The following AGBL1 variants were observed in gnomAD, a reference collection of about 807,000 sequenced individuals.
AGBL1 encodes AGBL carboxypeptidase 1.
AGBL1 carries 130 observed loss-of-function variants against 118.9 expected under a neutral mutation model. The observed-to-expected ratio is 1.09, with a 90% confidence interval of 0.95 to 1.26. The LOEUF is 1.26. Among genes scored for constraint, AGBL1 ranks in the 50% most tolerant of loss-of-function variants. The pLI, the probability that AGBL1 is intolerant of heterozygous loss-of-function variation, is 0.00. For synonymous variants in AGBL1, 555 were observed against 478.9 expected (o/e 1.16, Z -2.08); for missense variants, 1,584 against 1,298.1 (o/e 1.22, Z -3.38).
chr15:86,989,493 G>T (rs1001022123), intron 24 of AGBL1, among the ~76,000 whole-genome samples: 1 of 151,872 alleles, frequency 6.6e-6, no homozygotes, highest in African/African-American at 2.4e-5. Context: ...AGATTATAAG[G>T]GTTTCCCCCT....
At chr15:86,585,075 A>G (rs2084226189) in intron 21 of AGBL1, among the ~76,000 whole-genome samples, 2 of 152,182 alleles carry the variant, frequency 1.3e-5, no homozygotes, top group African/African-American at 4.8e-5. Flanking sequence ...CAATTCCAGA[A>G]GTTTTGGTGG....
intron 17 of AGBL1, among the ~76,000 whole-genome samples, chr15:86,303,400 G>A (rs373234448): frequency 4.6e-5 from 7 of 152,244 alleles, no homozygotes; most frequent in African/African-American, 1.7e-4. Flanking sequence ...GACATCCTTG[G>A]TGACTGGCTG....
At chr15:86,431,182 C>A (rs1236739593) in intron 18 of AGBL1, among the ~76,000 whole-genome samples, 2 of 152,216 alleles carry the variant, frequency 1.3e-5, no homozygotes, top group African/African-American at 4.8e-5. Flanking sequence ...GGCCTGAAAC[C>A]ATGACCAGGA....
intron 18 of AGBL1, among the ~76,000 whole-genome samples, chr15:86,501,906 C>T (rs2082921064): frequency 6.6e-6 from 1 of 151,324 alleles, no homozygotes; most frequent in Admixed American, 6.6e-5. Context: ...TTCAATACTG[C>T]TTTGTGTATT....
chr15:87,028,914 T>C, exon 25 of AGBL1: 2 of 1,495,206 alleles, frequency 1.3e-6, no homozygotes, highest in South Asian at 2.3e-5. Context: ...TGTGAGGAAA[T>C]ATCTGAAACC....
At chr15:86,178,308 C>A (rs2077509189) in intron 5 of AGBL1, among the ~76,000 whole-genome samples, 1 of 151,904 alleles carries the variant, frequency 6.6e-6, no homozygotes, top group Admixed American at 6.6e-5. Flanking sequence ...CGAGACTCTG[C>A]CAAAACAAAA....
At chr15:86,504,080 C>T (rs1191417823) in intron 18 of AGBL1, among the ~76,000 whole-genome samples, 1 of 151,608 alleles carries the variant, frequency 6.6e-6, no homozygotes, top group African/African-American at 2.4e-5. Context: ...TTTAGTTATT[C>T]CTTCATGTAT....
chr15:86,680,530 CTTTTTCTTTTCT>C (rs1305070537), intron 22 of AGBL1, among the ~76,000 whole-genome samples: 1 of 130,176 alleles, frequency 7.7e-6, no homozygotes, highest in Non-Finnish European at 1.7e-5. Flanking sequence ...CCTGTTTTTT[CTTTTTCTTTTCT>C]TTTTTCTTTC....
chr15:86,341,933 G>A (rs1167206273), intron 17 of AGBL1, among the ~76,000 whole-genome samples: 1 of 152,100 alleles, frequency 6.6e-6, no homozygotes, highest in Non-Finnish European at 1.5e-5. Context: ...CTTCCAGAGT[G>A]AATAAGATAT....
At chr15:86,703,868 C>G (rs1257142086) in intron 22 of AGBL1, among the ~76,000 whole-genome samples, 1 of 152,062 alleles carries the variant, frequency 6.6e-6, no homozygotes, top group Non-Finnish European at 1.5e-5. Context: ...CTGGAGGCAT[C>G]ATGCTACCAG....
intron 22 of AGBL1, among the ~76,000 whole-genome samples, chr15:86,803,711 G>T (rs1309276965): frequency 1.3e-5 from 2 of 152,080 alleles, no homozygotes; most frequent in African/African-American, 4.8e-5. Context: ...TAAAAGTCTT[G>T]AAGGAAAGAG....
At chr15:86,242,358 C>A (rs1438811820) in intron 6 of AGBL1, among the ~76,000 whole-genome samples, 1 of 152,156 alleles carries the variant, frequency 6.6e-6, no homozygotes, top group Non-Finnish European at 1.5e-5. Flanking sequence ...AGGCATCGAG[C>A]CATCTACTTT....
chr15:86,139,617 G>C (rs1385597922), intron 1 of AGBL1, among the ~76,000 whole-genome samples: 1 of 152,068 alleles, frequency 6.6e-6, no homozygotes, highest in Non-Finnish European at 1.5e-5. Flanking sequence ...TCAATCTCCT[G>C]GGTAAGTGTC....
intron 22 of AGBL1, among the ~76,000 whole-genome samples, chr15:86,744,749 G>C: frequency 6.6e-6 from 1 of 152,142 alleles, no homozygotes; most frequent in Non-Finnish European, 1.5e-5. Flanking sequence ...TTCACAGGAT[G>C]TCTCACTCGC....
chr15:86,346,701 A>G (rs2080543447), intron 17 of AGBL1, among the ~76,000 whole-genome samples: 1 of 152,210 alleles, frequency 6.6e-6, no homozygotes, highest in Admixed American at 6.5e-5. Flanking sequence ...TCAAGTGAAT[A>G]GCAGCACTGC....
At chr15:86,360,702 G>T (rs2080792830) in intron 17 of AGBL1, among the ~76,000 whole-genome samples, 1 of 151,892 alleles carries the variant, frequency 6.6e-6, no homozygotes, top group African/African-American at 2.4e-5. Flanking sequence ...TTTGGTTACT[G>T]ATTCAATCTC....
At chr15:86,548,985 G>C (rs1316802482) in intron 20 of AGBL1, among the ~76,000 whole-genome samples, 1 of 151,834 alleles carries the variant, frequency 6.6e-6, no homozygotes, top group African/African-American at 2.4e-5. Flanking sequence ...TCAGGGGGAG[G>C]TGTCACACAC....
At chr15:86,660,381 A>C (rs1180608504) in intron 21 of AGBL1, among the ~76,000 whole-genome samples, 2 of 152,132 alleles carry the variant, frequency 1.3e-5, no homozygotes, top group African/African-American at 4.8e-5. Flanking sequence ...CTTTAGAACA[A>C]TCAGAATGCT....
rs564386185 is a variant in AGBL1 at position 86,846,400 on chromosome 15, A to T, written c.3159-60687A>T. Among the ~76,000 whole-genome samples the T allele has an allele frequency of 3.3e-5, 5 of 152,340 alleles. No individual in the cohort carries two copies. The East Asian group carries it at 9.6e-4, about 29-fold the overall frequency. On this transcript the variant is annotated intron_variant, in intron 22 of 22. Transcript: ENST00000614907. ...AATTTTATATTCTTTTTATCTGTAC[A>T]TAAGGAGAAATTCTACTTGTGTTTG...
Sources: gnomAD v4.1 joint callset for allele counts (sites outside exome capture counted in the v4.1 genomes callset) on GRCh38, gnomAD v4.1.1 for gene constraint, MANE v1.5 for transcripts, NCBI Gene and HGNC (gene_info 2026-07-23, HGNC 2026-07-21) for gene names.